The following KIRREL3 variants were observed in gnomAD, a reference collection of about 807,000 sequenced individuals.
KIRREL3 encodes kin of IRRE-like protein 3.
Under a neutral mutation model 89.7 loss-of-function variants are expected in KIRREL3, and 36 were observed. The ratio of observed to expected loss-of-function variants is 0.40; its 90% CI spans 0.31 to 0.53. The LOEUF is 0.53. KIRREL3 is among the 20% of genes least tolerant of loss of function. The probability of loss-of-function intolerance (pLI) is 0.49; values close to 1 mark genes in which losing one functional copy is unlikely to be tolerated. For missense variants in KIRREL3, 864 were observed against 1,056.6 expected (o/e 0.82, Z 2.53); for synonymous variants, 445 against 441.4 (o/e 1.01, Z -0.10).
In KIRREL3 at chr11:126,521,672, CTGTATG is replaced by C. The variant is rs1378787246; in HGVS notation, c.284-214_284-209del. Among the ~76,000 whole-genome samples, 9 of 42,978 alleles carry C rather than the reference CTGTATG, an allele frequency of 2.1e-4. No homozygotes were observed. Among genetic ancestry groups the C allele is most frequent in the South Asian group, 4.3e-4 (1 of 2,338 alleles). 28.2% of individuals were successfully genotyped at this position (42,978 alleles called of 152,430 possible). On this transcript the variant is annotated intron_variant, in intron 3 of 16. Transcript: ENST00000525144. This position sits in a 1 kb window ranked among gnomAD's most constrained non-coding sequence, Gnocchi z 4.1. ...AGGTGTTGGTTCTCTCTCTCTCTCTCTGTATGTGTGTGTGTGTGTGTGTGTGTGTGT... is the reference window on the plus strand; with the variant it reads ...AGGTGTTGGTTCTCTCTCTCTCTCTCTGTGTGTGTGTGTGTGTGTGTGTGT...
At chr11:126,884,316 G>T (rs965009373) in intron 1 of KIRREL3, among the ~76,000 whole-genome samples, 16 of 152,212 alleles carry the variant, frequency 1.1e-4, no homozygotes, top group Non-Finnish European at 2.4e-4. Flanking sequence ...TGGTTCTAGA[G>T]TGTGCCAATC....
rs1175697038 is a variant in KIRREL3 at position 126,715,297 on chromosome 11, C to T, written c.56-152385G>A. ...CTATTCAGCATTTTCAGGTTCCTTC[C>T]TTTCAGATCTTCCCAAAGATCTCAG... On this transcript the variant is annotated intron_variant, in intron 1 of 16. Transcript: ENST00000525144. The surrounding 1 kb of genome is among the most constrained non-coding windows in gnomAD (Gnocchi z 4.4). 2.0e-5 allele frequency among the ~76,000 whole-genome samples: 3 copies of T among 152,210 alleles called. No homozygotes were observed. Among genetic ancestry groups the T allele is most frequent in the Admixed American group, 6.5e-5 (1 of 15,274 alleles).
At chr11:126,581,633 A>G (rs1941559835) in intron 1 of KIRREL3, among the ~76,000 whole-genome samples, 1 of 146,166 alleles carries the variant, frequency 6.8e-6, no homozygotes, top group Non-Finnish European at 1.5e-5. Context: ...TAACATATCC[A>G]TTACCTCACA....
rs535017984 is a variant in KIRREL3, at chr11:126,867,151, G to T, written c.55+133304C>A. On this transcript the variant is annotated intron_variant, in intron 1 of 16. Coordinates refer to ENST00000525144, the MANE Select transcript of KIRREL3 (RefSeq NM_032531.4). The surrounding 1 kb of genome is among the most constrained non-coding windows in gnomAD (Gnocchi z 4.7). ...GCCTTGGGGTTGGAGCCCAAAAAAC[G>T]TTCCCCACAATCTGCCTGTCTGCCT... Among the ~76,000 whole-genome samples the T allele has an allele frequency of 1.3e-5, 2 of 152,214 alleles. No homozygotes were observed. The highest frequency in any genetic ancestry group is 6.5e-5 in the Admixed American group (1 of 15,280).
intron 1 of KIRREL3, among the ~76,000 whole-genome samples, chr11:126,982,729 A>G (rs1474103189): frequency 6.6e-6 from 1 of 152,184 alleles, no homozygotes; most frequent in Non-Finnish European, 1.5e-5. Context: ...GGAAAAATCA[A>G]AGTGCAGGCA....
chr11:126,562,993 G>C lies in KIRREL3; in HGVS notation c.56-81C>G. On this transcript the variant is annotated intron_variant, in intron 1 of 16. Transcript: ENST00000525144. The surrounding 1 kb of genome is among the most constrained non-coding windows in gnomAD (Gnocchi z 4.7). Reference sequence around the variant, plus strand: ...GGGGGGCCCTCTGCAGGGGGCTGTGGAGCTTGTTGCTCTTATAAACAGAGG... The same window carrying C: ...GGGGGGCCCTCTGCAGGGGGCTGTGCAGCTTGTTGCTCTTATAAACAGAGG... 1.0e-6 allele frequency: 1 copy of C among 962,264 alleles called. No individual in the cohort carries two copies. Among genetic ancestry groups the C allele is most frequent in the East Asian group, 2.5e-5 (1 of 40,518 alleles). 59.6% of individuals were successfully genotyped at this position (962,264 alleles called of 1,614,324 possible). A position where few individuals can be genotyped will look rare whatever the true frequency, so the allele number is the denominator to read the frequency against.
chr11:126,621,832 G>A (rs1056270598), intron 1 of KIRREL3, among the ~76,000 whole-genome samples: 5 of 151,960 alleles, frequency 3.3e-5, no homozygotes, highest in African/African-American at 1.2e-4. Context: ...TTGTTTTAAT[G>A]CCTTGCATTA....
At chr11:126,815,728 G>T (rs1008212295) in intron 1 of KIRREL3, among the ~76,000 whole-genome samples, 1 of 152,012 alleles carries the variant, frequency 6.6e-6, no homozygotes, top group Non-Finnish European at 1.5e-5. Context: ...GTAGAGACGG[G>T]GTTTCACTGT....
chr11:126,900,352 G>A lies in KIRREL3; in HGVS notation c.55+100103C>T, dbSNP rs527750318. Among the ~76,000 whole-genome samples, 61 of 152,194 alleles carry A rather than the reference G, an allele frequency of 4.0e-4. No homozygotes were observed. Among genetic ancestry groups the A allele is most frequent in the African/African-American group, 1.3e-3 (55 of 41,514 alleles). On this transcript the variant is annotated intron_variant, in intron 1 of 16. Coordinates refer to ENST00000525144, the MANE Select transcript of KIRREL3 (RefSeq NM_032531.4). This position sits in a 1 kb window ranked among gnomAD's most constrained non-coding sequence, Gnocchi z 4.4. ...GTCTTCCTTGAGTGCAAGCAGTTCC[G>A]GCTTGTGAGAAATTCAGAGAAGTCT...
rs1954803333 is a variant in KIRREL3 at position 126,423,500 on chromosome 11, G to A, written c.*1080C>T. 6.6e-6 allele frequency: 1 copy of A among 152,186 alleles called. No individual in the cohort carries two copies. The highest frequency in any genetic ancestry group is 1.5e-5 in the Non-Finnish European group (1 of 68,018). The allele number at this position is 152,186 out of a possible 1,614,324, so 9.4% of individuals were successfully genotyped here. On this transcript the variant is annotated 3_prime_UTR_variant, in exon 17 of 17. Transcript: ENST00000525144. Reference sequence around the variant, plus strand: ...AAAAGAACAGAACAAACATGTTGGAGTAGTGTCCCTAACATTTATTTCAGG... The same window carrying A: ...AAAAGAACAGAACAAACATGTTGGAATAGTGTCCCTAACATTTATTTCAGG...
rs1310848639 is a variant in KIRREL3, at chr11:126,435,986, T to G, written c.1553-683A>C. On this transcript the variant is annotated intron_variant, in intron 12 of 16. Transcript: ENST00000525144. ...CAACTGCCCCTCTCAGAACCCGGCT[T>G]GCTGCTGGCTGTGGTGGGGCTTCTG... Among the ~76,000 whole-genome samples, 4 of 152,236 alleles carry G rather than the reference T, an allele frequency of 2.6e-5. No individual in the cohort carries two copies. In the East Asian group the frequency reaches 7.7e-4, roughly 29 times the overall value.
chr11:126,693,885 G>A (rs1006407257), intron 1 of KIRREL3, among the ~76,000 whole-genome samples: 3 of 152,122 alleles, frequency 2.0e-5, no homozygotes, highest in African/African-American at 7.2e-5. Context: ...AGGATCCTTC[G>A]GGCTCAGCCT....
At chr11:126,472,840 C>CA (rs1377088626) in intron 5 of KIRREL3, among the ~76,000 whole-genome samples, 8 of 151,738 alleles carry the variant, frequency 5.3e-5, no homozygotes, top group Admixed American at 2.0e-4. Context: ...TACAAGGAGA[C>CA]AAAGAGTGAG....
intron 12 of KIRREL3, among the ~76,000 whole-genome samples, chr11:126,436,133 A>G (rs572928822): frequency 2.4e-4 from 37 of 152,236 alleles, no homozygotes; most frequent in Non-Finnish European, 4.3e-4. Context: ...GCACGGGGGC[A>G]CAGTGGGGTG....
rs1395220392 is a variant in KIRREL3, at chr11:126,441,888, A to T, written c.1253-1339T>A. ...TTCCTAAAAATCCTTCAGCTCCAAC[A>T]GGTCTAGGACCCAAAGAGATGAGGA... is the stretch of plus-strand genomic sequence containing the variant. On this transcript the variant is annotated intron_variant, in intron 10 of 16. Coordinates refer to ENST00000525144, the MANE Select transcript of KIRREL3 (RefSeq NM_032531.4). This position sits in a 1 kb window ranked among gnomAD's most constrained non-coding sequence, Gnocchi z 5.0. Among the ~76,000 whole-genome samples the T allele has an allele frequency of 6.6e-6, 1 of 152,198 alleles. No homozygotes were observed. Among genetic ancestry groups the T allele is most frequent in the African/African-American group, 2.4e-5 (1 of 41,458 alleles).
chr11:126,501,700 C>A lies in KIRREL3; in HGVS notation c.433+19615G>T, dbSNP rs534758633. Among the ~76,000 whole-genome samples the A allele has an allele frequency of 2.6e-5, 4 of 152,298 alleles. No individual in the cohort carries two copies. In the East Asian group the frequency reaches 5.8e-4, roughly 22 times the overall value. ...ACTCATGCTTTCAAACTCACTTAAA[C>A]CCTCCTTAAAGCCTACACTTGCCAA... On this transcript the variant is annotated intron_variant, in intron 4 of 16. Transcript: ENST00000525144. The surrounding 1 kb of genome is among the most constrained non-coding windows in gnomAD (Gnocchi z 5.8).
At chr11:126,617,129 C>T (rs542691963) in intron 1 of KIRREL3, among the ~76,000 whole-genome samples, 6 of 152,344 alleles carry the variant, frequency 3.9e-5, no homozygotes, top group Non-Finnish European at 8.8e-5. Flanking sequence ...GGAATGGCCA[C>T]AGATTCTAGT....
chr11:126,950,990 A>G (rs1183596716), intron 1 of KIRREL3, among the ~76,000 whole-genome samples: 1 of 152,170 alleles, frequency 6.6e-6, no homozygotes, highest in Non-Finnish European at 1.5e-5. Flanking sequence ...GTGTTCTGTT[A>G]AGAAAAAAAA....
chr11:126,926,151 A>C (rs1947705861), intron 1 of KIRREL3, among the ~76,000 whole-genome samples: 1 of 152,214 alleles, frequency 6.6e-6, no homozygotes, highest in Non-Finnish European at 1.5e-5. Context: ...AGAACGCTGG[A>C]GGTGCACACT....
Sources: allele counts gnomAD v4.1 joint callset (sites outside exome capture counted in the v4.1 genomes callset), GRCh38; gene constraint gnomAD v4.1.1; non-coding constraint Gnocchi (gnomAD v3.1); transcripts MANE v1.5; gene names NCBI Gene and HGNC (gene_info 2026-07-23, HGNC 2026-07-21).